The following OR8G5 variants were observed in gnomAD, a reference collection of about 807,000 sequenced individuals.
OR8G5 encodes olfactory receptor 8G5.
For synonymous variants in OR8G5, 147 were observed against 147.7 expected (o/e 1.00, Z 0.03); for missense variants, 347 against 371.9 (o/e 0.93, Z 0.55).
In OR8G5 at chr11:124,265,063, C is replaced by T; in HGVS notation, c.132C>T (p.Gly44=). The T allele has an allele frequency of 6.2e-7, 1 of 1,614,126 alleles. No homozygotes were observed. The highest frequency in any genetic ancestry group is 2.2e-5 in the East Asian group (1 of 44,872). The change falls in exon 2 of 2, where the codon GGC becomes GGT. Residue 44 remains glycine (G), a synonymous_variant. Transcript: ENST00000641992. ...IYVVTVLGNL[G]MITLIGLSSH... Reference sequence around the variant, plus strand: ...TAGTCACAGTGCTGGGGAACCTGGGCATGATCACACTGATTGGGCTCAGTT... The same window carrying T: ...TAGTCACAGTGCTGGGGAACCTGGGTATGATCACACTGATTGGGCTCAGTT...
chr11:124,260,966 C>T (rs1308849789), intron 1 of OR8G5, among the ~76,000 whole-genome samples: 5 of 151,870 alleles, frequency 3.3e-5, no homozygotes, highest in Non-Finnish European at 7.4e-5. Context: ...CATATCTCTT[C>T]ATACTTCCAC....
rs1158969196 is a variant in OR8G5, at chr11:124,262,699, A to ACACC, written c.-14-2218_-14-2217insACCC. Among the ~76,000 whole-genome samples, 97 of 151,596 alleles carry ACACC rather than the reference A, an allele frequency of 6.4e-4. 1 individual carries two copies. The highest frequency in any genetic ancestry group is 5.8e-4 in the East Asian group (3 of 5,156). On this transcript the variant is annotated intron_variant, in intron 1 of 1. Transcript: ENST00000641992. Reference sequence around the variant, plus strand: ...TACACACACACACACATACACACACACCACAACTCATGCATCTACTCATCT... The same window carrying ACACC: ...TACACACACACACACATACACACACACACCCCACAACTCATGCATCTACTCATCT...
chr11:124,264,886 C>T (rs1862011724), intron 1 of OR8G5, 32 bp from the exon 2 acceptor site: 1 of 1,610,056 alleles, frequency 6.2e-7, no homozygotes, highest in Non-Finnish European at 8.5e-7. Flanking sequence ...ATACAATTCA[C>T]CTAAATACCA....
chr11:124,264,718 A>G, intron 1 of OR8G5, 200 bp from the exon 2 acceptor site: 1 of 612,530 alleles, frequency 1.6e-6, no homozygotes, highest in Non-Finnish European at 2.8e-6. Context: ...TTTAATTATT[A>G]TAAACATAGG....
At chr11:124,264,697 C>A in intron 1 of OR8G5, 1 of 555,068 alleles carries the variant, frequency 1.8e-6, no homozygotes, top group South Asian at 2.9e-5. Context: ...ACAAAATAGA[C>A]ACTCAAAGTT....
chr11:124,261,915 G>A lies in OR8G5; in HGVS notation c.-14-3003G>A, dbSNP rs574068225. Among the ~76,000 whole-genome samples, 39 of 151,764 alleles carry A rather than the reference G, an allele frequency of 2.6e-4. 1 individual carries two copies. In the South Asian group the frequency reaches 7.0e-3, roughly 27 times the overall value. On this transcript the variant is annotated intron_variant, in intron 1 of 1. Coordinates refer to ENST00000641992, the MANE Select transcript of OR8G5 (RefSeq NM_001005198.2). ...TAACAGTTTACTTTCTATAATCCAC[G>A]GAACAACACAAATATAAAAAAGAAA...
intron 1 of OR8G5, 71 bp from the exon 2 acceptor site, chr11:124,264,847 G>T (rs2466637): frequency 6.3e-7 from 1 of 1,579,492 alleles, no homozygotes. Flanking sequence ...ATAAACAAGG[G>T]ATCACTTTCC....
At position 124,265,348 on chromosome 11, in the gene OR8G5, G is replaced by A; in HGVS notation, c.417G>A (p.Lys139=). Residue 139 remains lysine, a synonymous_variant, in exon 2 of 2, where the codon AAG becomes AAA. Transcript: ENST00000641992. ...TGTACAGCATCATCATATCCAATAA[G>A]GCTTGCTTTTCTCTGATTTTAGTGG... ...PLLYSIIISN[K]ACFSLILVVY... 6.2e-7 allele frequency: 1 copy of A among 1,613,952 alleles called. No individual in the cohort carries two copies. Among genetic ancestry groups the A allele is most frequent in the Non-Finnish European group, 8.5e-7 (1 of 1,179,892 alleles).
rs1376322371 is a variant in OR8G5 at position 124,265,893 on chromosome 11, A to G, written c.*26A>G. The stretch of plus-strand genomic sequence containing the variant: ...ACAGAAGTACAATGAAAAAGATTGC[A>G]TTAGATCTAAGTTTTTGGCTATGAT... On this transcript the variant is annotated 3_prime_UTR_variant, in exon 2 of 2. Transcript: ENST00000641992. 4.5e-6 allele frequency: 7 copies of G among 1,564,492 alleles called. No homozygotes were observed. Among genetic ancestry groups the G allele is most frequent in the Non-Finnish European group, 6.1e-6 (7 of 1,155,558 alleles).
At position 124,264,927 on chromosome 11, in the gene OR8G5, A is replaced by G. The variant is rs780057216; in HGVS notation, c.-5A>G. On this transcript the variant is annotated 5_prime_UTR_variant, in exon 2 of 2. Transcript: ENST00000641992. The stretch of plus-strand genomic sequence containing the variant: ...TTTCTCTCCCCTGCAGAAACTCATC[A>G]AAGAATGGCAGCAGAAAACCATTCT... The G allele has an allele frequency of 7.4e-6, 12 of 1,613,752 alleles. No homozygotes were observed. The highest frequency in any genetic ancestry group is 1.0e-5 in the Non-Finnish European group (12 of 1,179,726).
intron 1 of OR8G5, among the ~76,000 whole-genome samples, chr11:124,264,235 T>C (rs979856425): frequency 2.6e-5 from 4 of 151,974 alleles, no homozygotes; most frequent in Non-Finnish European, 5.9e-5. Context: ...AATGACGGGG[T>C]CAGAATTTGA....
intron 1 of OR8G5, among the ~76,000 whole-genome samples, chr11:124,263,019 A>G (rs1861988397): frequency 6.6e-6 from 1 of 151,452 alleles, no homozygotes; most frequent in South Asian, 2.1e-4. Context: ...TTTCTATTCT[A>G]TCATGGTTTG....
intron 1 of OR8G5, among the ~76,000 whole-genome samples, chr11:124,258,278 C>T (rs1591394754): frequency 6.6e-6 from 1 of 152,120 alleles, no homozygotes; most frequent in Non-Finnish European, 1.5e-5. Context: ...CATTCATGGC[C>T]AGGCTCCGTG....
intron 1 of OR8G5, among the ~76,000 whole-genome samples, chr11:124,261,647 A>G (rs932974164): frequency 1.3e-5 from 2 of 151,980 alleles, no homozygotes; most frequent in Non-Finnish European, 2.9e-5. Flanking sequence ...ATCACTGTGC[A>G]TATTAAATGC....
At position 124,265,013 on chromosome 11, in the gene OR8G5, T is replaced by C; in HGVS notation, c.82T>C (p.Phe28Leu). The change falls in exon 2 of 2, where the codon TTC (phenylalanine) becomes CTC (leucine). Residue 28 changes from phenylalanine to leucine, a missense_variant. By Grantham distance (22) the Phe-to-Leu change is conservative (BLOSUM62 0). Coordinates refer to ENST00000641992, the MANE Select transcript of OR8G5 (RefSeq NM_001005198.2). Reference sequence around the variant, plus strand: ...GAAGTCAGAGCTACAGCTGCCCCTCTTCCTCGTCTTCCTGGGAATCTATGT... The same window carrying C: ...GAAGTCAGAGCTACAGCTGCCCCTCCTCCTCGTCTTCCTGGGAATCTATGT... Reference protein sequence around the residue: ...TEKSELQLPLFLVFLGIYVVT... With the variant: ...TEKSELQLPLLLVFLGIYVVT... 2 of 1,614,022 alleles carry C rather than the reference T, an allele frequency of 1.2e-6. No homozygotes were observed. The highest frequency in any genetic ancestry group is 1.6e-4 in the Middle Eastern group (1 of 6,062).
At chr11:124,263,715 T>C (rs374080368) in intron 1 of OR8G5, among the ~76,000 whole-genome samples, 16 of 117,106 alleles carry the variant, frequency 1.4e-4, no homozygotes, top group African/African-American at 4.4e-4. Flanking sequence ...CAGTTGTTTT[T>C]CCAGAAGTTT....
rs758334804 is a variant in OR8G5, at chr11:124,265,550, A to G, written c.619A>G (p.Ile207Val). ...GATTTTAATCTTTAGTGGAATTAAC[A>G]TCCTTGTCCCCAGCCTGACCATCCT... ...LLILIFSGINILVPSLTILSS... is the reference protein window; with the variant it reads ...LLILIFSGINVLVPSLTILSS... The change falls in exon 2 of 2, where the codon ATC becomes GTC. Residue 207 changes from isoleucine to valine, a missense_variant. Ile to Val is a conservative substitution (Grantham distance 29, BLOSUM62 3). Transcript: ENST00000641992. 2 of 1,613,924 alleles carry G rather than the reference A, an allele frequency of 1.2e-6. No individual in the cohort carries two copies. Among genetic ancestry groups the G allele is most frequent in the Non-Finnish European group, 1.7e-6 (2 of 1,179,858 alleles).
At position 124,265,278 on chromosome 11, in the gene OR8G5, C is replaced by T. The variant is rs765588316; in HGVS notation, c.347C>T (p.Ala116Val). 6.2e-7 allele frequency: 1 copy of T among 1,613,934 alleles called. No individual in the cohort carries two copies. The highest frequency in any genetic ancestry group is 1.3e-5 in the African/African-American group (1 of 74,940). Residue 116 changes from alanine to valine, a missense_variant, in exon 2 of 2, where the codon GCT (alanine) becomes GTT (valine). Physicochemically the swap from Ala to Val is moderately conservative, Grantham distance 64. Coordinates refer to ENST00000641992, the MANE Select transcript of OR8G5 (RefSeq NM_001005198.2). ...GCTATTGCAGAGTGTCACATGTTGG[C>T]TGCAATGGCATATGACGGCTACGTG... ...VFAIAECHML[A>V]AMAYDGYVAI...
rs770400047 is a variant in OR8G5, at chr11:124,265,874, G to A, written c.*7G>A. The A allele has an allele frequency of 1.3e-5, 21 of 1,592,668 alleles. No homozygotes were observed. The highest frequency in any genetic ancestry group is 1.8e-5 in the Admixed American group (1 of 56,478). ...GAAAAGAACATTCTTATGAACAGAA[G>A]TACAATGAAAAAGATTGCATTAGAT... On this transcript the variant is annotated 3_prime_UTR_variant, in exon 2 of 2. Coordinates refer to ENST00000641992, the MANE Select transcript of OR8G5 (RefSeq NM_001005198.2).
Sources: allele counts gnomAD v4.1 joint callset (sites outside exome capture counted in the v4.1 genomes callset), GRCh38; gene constraint gnomAD v4.1.1; transcripts MANE v1.5; gene names NCBI Gene and HGNC (gene_info 2026-07-23, HGNC 2026-07-21).